Variants in EDAR observed in about 807,000 individuals in gnomAD.
EDAR encodes tumor necrosis factor receptor superfamily member EDAR.
EDAR carries 38 observed loss-of-function variants against 51.3 expected under a neutral mutation model. The ratio of observed to expected loss-of-function variants is 0.74; its 90% CI spans 0.57 to 0.97. The LOEUF is 0.97. EDAR is among the 50% of genes least tolerant of loss of function. The pLI is 0.00. For missense variants in EDAR, 528 were observed against 595.0 expected (o/e 0.89, Z 1.17); for synonymous variants, 227 against 242.1 (o/e 0.94, Z 0.58).
At chr2:108,963,019 CAATTGA>C (rs1273719141) in intron 1 of EDAR, among the ~76,000 whole-genome samples, 2 of 152,138 alleles carry the variant, frequency 1.3e-5, no homozygotes, top group Non-Finnish European at 2.9e-5. Context: ...CACCAGCGAT[CAATTGA>C]ACTGAACAAA....
intron 11 of EDAR, among the ~76,000 whole-genome samples, chr2:108,905,268 T>C (rs1696778969): frequency 6.6e-6 from 1 of 152,060 alleles, no homozygotes; most frequent in East Asian, 1.9e-4. Context: ...CAACATTTTT[T>C]GGAACAGAGA....
At position 108,929,292 on chromosome 2, in the gene EDAR, T is replaced by C. The variant is rs1363895418; in HGVS notation, c.262A>G (p.Arg88Gly). Residue 88 changes from arginine to glycine, a missense_variant, in exon 4 of 12, where the codon AGG becomes GGG. By Grantham distance (125) the Arg-to-Gly change is moderately radical (BLOSUM62 -2). Transcript: ENST00000258443. ...KFSKGGYQIC[R>G]RHKDCEGFFR... is the part of the protein sequence containing the mutation. ...AAGCCCTCACAGTCTTTGTGACGCCTGCATATCTGGTAGCCTCCTTTGGAA... is the reference window on the plus strand; with the variant it reads ...AAGCCCTCACAGTCTTTGTGACGCCCGCATATCTGGTAGCCTCCTTTGGAA... The C allele has an allele frequency of 6.2e-7, 1 of 1,614,162 alleles. No homozygotes were observed. Among genetic ancestry groups the C allele is most frequent in the East Asian group, 2.2e-5 (1 of 44,890 alleles).
At chr2:108,927,608 C>T (rs560694229) in intron 4 of EDAR, among the ~76,000 whole-genome samples, 14 of 152,138 alleles carry the variant, frequency 9.2e-5, no homozygotes, top group Non-Finnish European at 1.6e-4. Flanking sequence ...GGTGCACCCA[C>T]CCTCTCCCTG....
chr2:108,970,554 GA>G (rs898573653), intron 1 of EDAR, among the ~76,000 whole-genome samples: 2 of 152,086 alleles, frequency 1.3e-5, no homozygotes, highest in Non-Finnish European at 2.9e-5. Flanking sequence ...ACTGGGCAGG[GA>G]GGTGGACAGG....
At chr2:108,976,763 T>TG (rs1698329361) in intron 1 of EDAR, among the ~76,000 whole-genome samples, 1 of 152,248 alleles carries the variant, frequency 6.6e-6, no homozygotes, top group Non-Finnish European at 1.5e-5. Flanking sequence ...GCTCTTTTAG[T>TG]TGGTTTGTGT....
chr2:108,955,637 C>T (rs1697908229), intron 1 of EDAR, among the ~76,000 whole-genome samples: 1 of 149,820 alleles, frequency 6.7e-6, no homozygotes. Context: ...GCCCAGGAGG[C>T]GGAGGTTGCA....
intron 1 of EDAR, among the ~76,000 whole-genome samples, chr2:108,985,107 G>A (rs990097608): frequency 6.6e-6 from 1 of 152,178 alleles, no homozygotes; most frequent in Admixed American, 6.5e-5. Flanking sequence ...GTTGTTGGCA[G>A]AATCAACTCT....
intron 1 of EDAR, among the ~76,000 whole-genome samples, chr2:108,958,373 T>C (rs1339260078): frequency 7.1e-6 from 1 of 140,166 alleles, no homozygotes; most frequent in Non-Finnish European, 1.5e-5. Flanking sequence ...GCTATCACTT[T>C]CATTAATAAC....
At chr2:108,902,502 T>C (rs1022206408) in intron 11 of EDAR, among the ~76,000 whole-genome samples, 1 of 152,184 alleles carries the variant, frequency 6.6e-6, no homozygotes, top group African/African-American at 2.4e-5. Flanking sequence ...TTTCTAGACA[T>C]AGAAAAGGAA....
intron 1 of EDAR, among the ~76,000 whole-genome samples, chr2:108,958,125 C>T (rs1420673157): frequency 2.0e-5 from 3 of 152,162 alleles, no homozygotes; most frequent in Non-Finnish European, 4.4e-5. Flanking sequence ...CCTGCACTTT[C>T]ATCCTCCTCC....
Position 108,984,665 on chromosome 2 carries a change from T to G in EDAR, c.-19+4295A>C, listed in dbSNP as rs560912847. 2.1e-4 allele frequency among the ~76,000 whole-genome samples: 32 copies of G among 152,144 alleles called. 1 individual carries two copies. The highest frequency in any genetic ancestry group is 7.2e-4 in the African/African-American group (30 of 41,466). On this transcript the variant is annotated intron_variant, in intron 1 of 11. Coordinates refer to ENST00000258443, the MANE Select transcript of EDAR (RefSeq NM_022336.4). ...CCCACTACTACCCTGGGCACCTTCTTTCTACCTGCCCTGCTAGTTTGTTTG... is the reference window on the plus strand; with the variant it reads ...CCCACTACTACCCTGGGCACCTTCTGTCTACCTGCCCTGCTAGTTTGTTTG...
intron 1 of EDAR, among the ~76,000 whole-genome samples, chr2:108,944,447 T>A (rs1365373473): frequency 6.6e-6 from 1 of 152,220 alleles, no homozygotes; most frequent in Non-Finnish European, 1.5e-5. Context: ...TAATTTAAAA[T>A]AGTTTGACTA....
chr2:108,900,484 G>T (rs1396281480), intron 11 of EDAR, among the ~76,000 whole-genome samples: 3 of 151,564 alleles, frequency 2.0e-5, no homozygotes, highest in Admixed American at 6.6e-5. Flanking sequence ...AACCTGGGAG[G>T]CAGAGGTTGC....
At chr2:108,984,651 C>T (rs1359226932) in intron 1 of EDAR, among the ~76,000 whole-genome samples, 1 of 152,106 alleles carries the variant, frequency 6.6e-6, no homozygotes, top group Non-Finnish European at 1.5e-5. Context: ...CCACTACTAC[C>T]CTGGGCACCT....
intron 1 of EDAR, among the ~76,000 whole-genome samples, chr2:108,958,371 T>G (rs1380579775): frequency 7.1e-6 from 1 of 141,770 alleles, no homozygotes; most frequent in Non-Finnish European, 1.5e-5. Context: ...TTGCTATCAC[T>G]TTCATTAATA....
chr2:108,938,799 CA>C, intron 1 of EDAR, among the ~76,000 whole-genome samples: 1 of 147,292 alleles, frequency 6.8e-6, no homozygotes. Flanking sequence ...CCCCCCGCCC[CA>C]CCCCCCAGAG....
chr2:108,900,455 GAGGC>G (rs928413563), intron 11 of EDAR, among the ~76,000 whole-genome samples: 18 of 152,016 alleles, frequency 1.2e-4, no homozygotes, highest in African/African-American at 4.3e-4. Flanking sequence ...TTGGGAGGCT[GAGGC>G]AGGAGAACCA....
chr2:108,980,651 G>T (rs1389359293), intron 1 of EDAR, among the ~76,000 whole-genome samples: 1 of 152,082 alleles, frequency 6.6e-6, no homozygotes, highest in Non-Finnish European at 1.5e-5. Context: ...GGCCAGGGAG[G>T]GTTTCTCTGA....
At chr2:108,954,408 TC>T (rs1697881741) in intron 1 of EDAR, among the ~76,000 whole-genome samples, 1 of 152,196 alleles carries the variant, frequency 6.6e-6, no homozygotes. Flanking sequence ...ACCTGCCCTC[TC>T]TCGCCCTGCA....
Sources: allele counts gnomAD v4.1 joint callset (sites outside exome capture counted in the v4.1 genomes callset), GRCh38; gene constraint gnomAD v4.1.1; transcripts MANE v1.5; gene names NCBI Gene and HGNC (gene_info 2026-07-23, HGNC 2026-07-21).